The following MAD1L1 variants were observed in gnomAD, a reference collection of about 807,000 sequenced individuals.
The protein encoded by MAD1L1 is mitotic spindle assembly checkpoint protein MAD1.
In MAD1L1, 95 loss-of-function variants were observed where a neutral mutation model predicts 96.9. The ratio of observed to expected loss-of-function variants is 0.98; its 90% CI spans 0.83 to 1.16. The LOEUF is 1.16. Among genes scored for constraint, MAD1L1 ranks in the 50% most tolerant of loss-of-function variants. The probability of loss-of-function intolerance (pLI) is 0.00; values close to 1 mark genes in which losing one functional copy is unlikely to be tolerated. For missense variants in MAD1L1, 1,007 were observed against 954.4 expected, an observed-to-expected ratio of 1.06 and a Z score of -0.73; for synonymous variants, 473 against 396.6, an observed-to-expected ratio of 1.19 and a Z score of -2.29.
At chr7:2,055,200 G>A (rs1271189297) in intron 12 of MAD1L1, among the ~76,000 whole-genome samples, 1 of 152,300 alleles carries the variant, frequency 6.6e-6, no homozygotes, top group East Asian at 1.9e-4. Flanking sequence ...ACAGAAAGCA[G>A]GGAGTGAATG....
At chr7:1,867,947 A>G (rs1784858708) in intron 18 of MAD1L1, among the ~76,000 whole-genome samples, 1 of 152,230 alleles carries the variant, frequency 6.6e-6, no homozygotes, top group Non-Finnish European at 1.5e-5. Context: ...CGTCTTCCCT[A>G]ATACGGGGCG....
chr7:2,080,754 A>G (rs1584271933), intron 11 of MAD1L1, among the ~76,000 whole-genome samples: 2 of 152,116 alleles, frequency 1.3e-5, no homozygotes, highest in Admixed American at 6.5e-5. Context: ...GATTTTCCCA[A>G]TGAAGATGCG....
intron 13 of MAD1L1, among the ~76,000 whole-genome samples, chr7:2,011,912 CTG>C (rs977014086): frequency 6.6e-6 from 1 of 152,176 alleles, no homozygotes; most frequent in Admixed American, 6.5e-5. Flanking sequence ...GCAGAGGAGG[CTG>C]TGAGGGCTCA....
At chr7:1,984,759 C>T (rs1486640523) in intron 14 of MAD1L1, among the ~76,000 whole-genome samples, 2 of 152,214 alleles carry the variant, frequency 1.3e-5, no homozygotes, top group African/African-American at 4.8e-5. Context: ...AAGTCCTTTC[C>T]TTTTAATAGG....
chr7:1,904,129 C>G (rs1787460435), intron 17 of MAD1L1, among the ~76,000 whole-genome samples: 1 of 141,476 alleles, frequency 7.1e-6, no homozygotes, highest in African/African-American at 2.6e-5. Context: ...AAGCACTGTT[C>G]CAGGCAGCGA....
intron 17 of MAD1L1, among the ~76,000 whole-genome samples, chr7:1,928,113 G>C (rs1190569381): frequency 1.3e-5 from 2 of 151,892 alleles, no homozygotes; most frequent in African/African-American, 4.8e-5. Flanking sequence ...TGCCACACCT[G>C]CTGCTGCTCC....
intron 11 of MAD1L1, among the ~76,000 whole-genome samples, chr7:2,075,053 A>G (rs553033846): frequency 6.6e-6 from 1 of 152,296 alleles, no homozygotes; most frequent in South Asian, 2.1e-4. Context: ...GGGCTGAGCC[A>G]GAGGGGCAGG....
At chr7:1,821,335 G>T (rs2128620512) in intron 18 of MAD1L1, among the ~76,000 whole-genome samples, 1 of 152,100 alleles carries the variant, frequency 6.6e-6, no homozygotes, top group East Asian at 1.9e-4. Context: ...AAAATCTCCA[G>T]TCCCAGATGG....
intron 18 of MAD1L1, among the ~76,000 whole-genome samples, chr7:1,859,577 T>G (rs1375766938): frequency 2.6e-5 from 4 of 152,188 alleles, no homozygotes; most frequent in Non-Finnish European, 5.9e-5. Flanking sequence ...GGGGACCTTA[T>G]GGCACCCATG....
At chr7:1,987,215 G>C (rs1349813301) in intron 14 of MAD1L1, among the ~76,000 whole-genome samples, 1 of 152,216 alleles carries the variant, frequency 6.6e-6, no homozygotes, top group Non-Finnish European at 1.5e-5. Context: ...ACACCACATG[G>C]TGACTGGGCA....
chr7:2,215,444 G>A (rs907774048), intron 9 of MAD1L1, among the ~76,000 whole-genome samples: 3 of 151,446 alleles, frequency 2.0e-5, no homozygotes, highest in South Asian at 2.1e-4. Context: ...AATCCAAAAC[G>A]GGTCTCCCCG....
In MAD1L1 at chr7:2,114,474, C is replaced by A. The variant is rs1787555655; in HGVS notation, c.1073+34678G>T. 6.6e-6 allele frequency among the ~76,000 whole-genome samples: 1 copy of A among 152,172 alleles called. No individual in the cohort carries two copies. Among genetic ancestry groups the A allele is most frequent in the South Asian group, 2.1e-4 (1 of 4,828 alleles). ...GCATCTTTCCTGAAAGAGACAATTG[C>A]GAGAAATGAAAGCCTGGCTGCCGGG... On this transcript the variant is annotated intron_variant, in intron 11 of 18. Transcript: ENST00000265854. The surrounding 1 kb of genome is among the most constrained non-coding windows in gnomAD (Gnocchi z 4.2).
intron 17 of MAD1L1, among the ~76,000 whole-genome samples, chr7:1,904,904 G>A (rs1239615721): frequency 2.1e-5 from 2 of 97,016 alleles, no homozygotes; most frequent in Non-Finnish European, 4.2e-5. Flanking sequence ...CAGCAAGGAT[G>A]CAGTCGCCTA....
chr7:1,843,880 G>C (rs549788961), intron 18 of MAD1L1, among the ~76,000 whole-genome samples: 1 of 152,354 alleles, frequency 6.6e-6, no homozygotes, highest in South Asian at 2.1e-4. Flanking sequence ...CCTCCCCTCG[G>C]CTGTCAGCCT....
chr7:1,866,777 A>G (rs1196868691), intron 18 of MAD1L1, among the ~76,000 whole-genome samples: 1 of 152,166 alleles, frequency 6.6e-6, no homozygotes, highest in Non-Finnish European at 1.5e-5. Flanking sequence ...GAGGGCCTTC[A>G]GTGAGGGTGT....
chr7:1,971,519 T>C (rs1013389040), intron 15 of MAD1L1, among the ~76,000 whole-genome samples: 2 of 152,190 alleles, frequency 1.3e-5, no homozygotes, highest in African/African-American at 2.4e-5. Context: ...AGAAACAGGA[T>C]GCAAATGATG....
chr7:1,938,840 G>GCACACACACA (rs72439038), intron 16 of MAD1L1, among the ~76,000 whole-genome samples: 25 of 91,010 alleles, frequency 2.7e-4, no homozygotes, highest in South Asian at 2.7e-3. Context: ...GGGGCCAGAG[G>GCACACACACA]CACACACACA....
At chr7:2,012,255 A>G (rs1308622751) in intron 13 of MAD1L1, among the ~76,000 whole-genome samples, 2 of 152,230 alleles carry the variant, frequency 1.3e-5, no homozygotes, top group Non-Finnish European at 2.9e-5. Context: ...ACAAAACACC[A>G]GAACCCAGGA....
chr7:1,816,588 C>T (rs1321107263), intron 18 of MAD1L1, among the ~76,000 whole-genome samples: 3 of 152,134 alleles, frequency 2.0e-5, no homozygotes, highest in Non-Finnish European at 2.9e-5. Flanking sequence ...GAGGACCCCA[C>T]GCCCTGGGCA....
Sources: allele counts gnomAD v4.1 joint callset (sites outside exome capture counted in the v4.1 genomes callset), GRCh38; gene constraint gnomAD v4.1.1; non-coding constraint Gnocchi (gnomAD v3.1); transcripts MANE v1.5; gene names NCBI Gene and HGNC (gene_info 2026-07-23, HGNC 2026-07-21).